STAU1: variants seen among roughly 807,000 people sequenced by gnomAD.
STAU1 encodes double-stranded RNA-binding protein Staufen homolog 1.
In STAU1, 13 loss-of-function variants were observed where a neutral mutation model predicts 62.9. The ratio of observed to expected loss-of-function variants is 0.21; its 90% CI spans 0.13 to 0.33. The LOEUF is 0.33. STAU1 is among the 10% of genes least tolerant of loss of function. The pLI is 1.00. For missense variants in STAU1, 571 were observed against 712.1 expected (o/e 0.80, Z 2.25); for synonymous variants, 269 against 265.1 (o/e 1.01, Z -0.14).
At chr20:49,193,075 C>T (rs1456299582), upstream of STAU1, among the ~76,000 whole-genome samples, 2 of 152,086 alleles carry the variant, frequency 1.3e-5, no homozygotes, top group Non-Finnish European at 2.9e-5. Context: ...ATTTAATACT[C>T]AGTAAAAGTG....
intron 3 of STAU1, among the ~76,000 whole-genome samples, chr20:49,156,978 G>A (rs1212148996): frequency 6.6e-6 from 1 of 151,792 alleles, no homozygotes; most frequent in Non-Finnish European, 1.5e-5. Flanking sequence ...CTGGGTTCAA[G>A]AAATTCTCCT....
upstream of STAU1, among the ~76,000 whole-genome samples, chr20:49,188,891 A>C (rs1290932426): frequency 6.6e-6 from 1 of 152,176 alleles, no homozygotes; most frequent in Admixed American, 6.5e-5. Context: ...ATAAAATTGA[A>C]AAATGTGTAG....
At chr20:49,202,635 C>T in the STAU1 span, among the ~76,000 whole-genome samples, 2 of 152,054 alleles carry the variant, frequency 1.3e-5, no homozygotes, top group Admixed American at 1.3e-4. Context: ...GTATTTCTAG[C>T]ACTTTGGGAG....
At chr20:49,198,877 C>T in the STAU1 span, among the ~76,000 whole-genome samples, 6 of 152,166 alleles carry the variant, frequency 3.9e-5, no homozygotes, top group East Asian at 1.9e-4. Flanking sequence ...GCAGGAAAAT[C>T]GCTTGAACCC....
At chr20:49,180,217 T>C (rs551737735) in intron 1 of STAU1, among the ~76,000 whole-genome samples, 2 of 152,078 alleles carry the variant, frequency 1.3e-5, no homozygotes, top group African/African-American at 4.8e-5. Context: ...ACCTATCCTA[T>C]AAAGTTAATT....
At chr20:49,156,061 T>C (rs191741669) in intron 3 of STAU1, among the ~76,000 whole-genome samples, 164 of 152,308 alleles carry the variant, frequency 1.1e-3, no homozygotes, top group African/African-American at 3.6e-3. Flanking sequence ...AGATACTACC[T>C]GCTGGCTTGT....
At chr20:49,135,045 A>G in intron 6 of STAU1, 1 of 1,443,240 alleles carries the variant, frequency 6.9e-7, no homozygotes, top group South Asian at 1.1e-5. Flanking sequence ...CCATCTCCAG[A>G]GCCCTGGGCA....
upstream of STAU1, among the ~76,000 whole-genome samples, chr20:49,190,974 C>T (rs1325360172): frequency 1.4e-5 from 2 of 144,776 alleles, no homozygotes; most frequent in African/African-American, 5.1e-5. Context: ...GGTGTGATCT[C>T]GGCTCTCTGA....
intron 1 of STAU1, among the ~76,000 whole-genome samples, chr20:49,184,735 G>A (rs1443920385): frequency 3.9e-5 from 6 of 152,118 alleles, no homozygotes; most frequent in Admixed American, 3.9e-4. Context: ...AATGTGTTGT[G>A]TCCTTTCCCA....
the STAU1 span, among the ~76,000 whole-genome samples, chr20:49,213,507 C>T: frequency 6.6e-6 from 1 of 152,306 alleles, no homozygotes; most frequent in African/African-American, 2.4e-5. Flanking sequence ...AGATTACAGG[C>T]GTGAGCCACC....
At chr20:49,186,873 A>G (rs2093794275) in intron 1 of STAU1, among the ~76,000 whole-genome samples, 2 of 152,056 alleles carry the variant, frequency 1.3e-5, no homozygotes, top group African/African-American at 4.8e-5. Context: ...GTGACCTTAA[A>G]AACTTCCACA....
At chr20:49,122,607 G>A (rs1311917496) in intron 8 of STAU1, among the ~76,000 whole-genome samples, 3 of 152,166 alleles carry the variant, frequency 2.0e-5, no homozygotes, top group African/African-American at 7.2e-5. Flanking sequence ...ATTATTGCAA[G>A]CCACAAGGTC....
At chr20:49,204,232 TC>T in the STAU1 span, among the ~76,000 whole-genome samples, 1 of 151,708 alleles carries the variant, frequency 6.6e-6, no homozygotes, top group African/African-American at 2.4e-5. Context: ...TAAGCAATCC[TC>T]CCACCTCAGC....
intron 1 of STAU1, among the ~76,000 whole-genome samples, chr20:49,181,683 T>C (rs1479505473): frequency 7.0e-6 from 1 of 143,590 alleles, no homozygotes; most frequent in African/African-American, 2.6e-5. Flanking sequence ...GGAGAATTGC[T>C]TGAACCCAGG....
At chr20:49,197,843 A>G in the STAU1 span, among the ~76,000 whole-genome samples, 1 of 152,034 alleles carries the variant, frequency 6.6e-6, no homozygotes, top group East Asian at 1.9e-4. Context: ...GTAGCTGGGA[A>G]TACAGGTGCA....
chr20:49,177,234 AAGC>A (rs1377225319), intron 1 of STAU1, among the ~76,000 whole-genome samples: 1 of 151,490 alleles, frequency 6.6e-6, no homozygotes, highest in African/African-American at 2.4e-5. Context: ...TTCTAGCCCA[AAGC>A]AGAAGTAAAA....
At chr20:49,126,588 C>CAAAAAAAAAAACAAAACAAAACA in intron 6 of STAU1, among the ~76,000 whole-genome samples, 14 of 56,376 alleles carry the variant, frequency 2.5e-4, no homozygotes, top group East Asian at 2.0e-3. Flanking sequence ...AAAAAAAAAA[C>CAAAAAAAAAAACAAAACAAAACA]AAAAAAAAAA....
the STAU1 span, among the ~76,000 whole-genome samples, chr20:49,195,737 C>G: frequency 6.7e-6 from 1 of 150,030 alleles, no homozygotes; most frequent in South Asian, 2.1e-4. Context: ...AACCCCGTCT[C>G]TACTAAAAAT....
At chr20:49,176,987 C>T (rs1230545060) in intron 1 of STAU1, among the ~76,000 whole-genome samples, 13 of 151,318 alleles carry the variant, frequency 8.6e-5, no homozygotes, top group Admixed American at 8.6e-4. Flanking sequence ...TCTCCGCTCA[C>T]TGCAACCTCC....
Sources: allele counts gnomAD v4.1 joint callset (sites outside exome capture counted in the v4.1 genomes callset), GRCh38; gene constraint gnomAD v4.1.1; transcripts MANE v1.5; gene names NCBI Gene and HGNC (gene_info 2026-07-23, HGNC 2026-07-21).